Variants in MTMR8 observed in about 807,000 individuals in gnomAD.
The protein encoded by MTMR8 is phosphatidylinositol-3,5-bisphosphate 3-phosphatase MTMR8.
A neutral mutation model predicts 39.3 loss-of-function variants in MTMR8; 65 were observed. That is an observed-to-expected ratio of 1.65 (90% CI 1.35 to 2.03). The LOEUF (loss-of-function observed/expected upper bound fraction) is 2.03, where lower values mean the gene tolerates loss of function less well. Among genes scored for constraint, MTMR8 ranks in the 30% most tolerant of loss-of-function variants. The pLI is 0.00. For synonymous variants in MTMR8, 245 were observed against 185.2 expected (o/e 1.32, Z -2.62); for missense variants, 777 against 538.9 (o/e 1.44, Z -4.37).
chrX:64,297,592 C>A (rs1217291754), intron 12 of MTMR8, among the ~76,000 whole-genome samples: 3 of 90,159 alleles, frequency 3.3e-5, no homozygotes, highest in African/African-American at 1.2e-4. Flanking sequence ...TTAATTAGAT[C>A]CCATTTGTCA....
chrX:64,283,983 T>C (rs1921056461), intron 12 of MTMR8, among the ~76,000 whole-genome samples: 1 of 112,274 alleles, frequency 8.9e-6, no homozygotes, highest in Non-Finnish European at 1.9e-5. Flanking sequence ...AGAAGGACTT[T>C]GACGAGTTGA....
chrX:64,270,220 G>T (rs1032924731), intron 13 of MTMR8, among the ~76,000 whole-genome samples: 1 of 111,715 alleles, frequency 9.0e-6, no homozygotes, highest in African/African-American at 3.2e-5. Context: ...TAAAAAGTTT[G>T]GGATCTGATG....
intron 1 of MTMR8, among the ~76,000 whole-genome samples, chrX:64,387,972 T>G (rs1303399256): frequency 2.7e-5 from 3 of 111,173 alleles, no homozygotes; most frequent in Non-Finnish European, 5.7e-5. Context: ...TCTCCACTCC[T>G]GAGCTGTAGA....
chrX:64,310,826 A>G (rs1020756640), intron 12 of MTMR8, among the ~76,000 whole-genome samples: 4 of 111,664 alleles, frequency 3.6e-5, no homozygotes, highest in Non-Finnish European at 7.5e-5. Context: ...CAAAGGACAT[A>G]AACTCATCCT....
intron 12 of MTMR8, among the ~76,000 whole-genome samples, chrX:64,321,847 C>T (rs372367311): frequency 4.1e-4 from 46 of 111,614 alleles, no homozygotes; most frequent in Admixed American, 3.8e-3. Flanking sequence ...ATACATAATT[C>T]GTTAAGTTTT....
At chrX:64,347,816 T>C (rs1434914753) in intron 6 of MTMR8, among the ~76,000 whole-genome samples, 2 of 112,454 alleles carry the variant, frequency 1.8e-5, no homozygotes, top group African/African-American at 6.5e-5. Context: ...CTACAGCCCA[T>C]ATAGAGCCAC....
intron 6 of MTMR8, among the ~76,000 whole-genome samples, chrX:64,345,521 G>A (rs992971121): frequency 4.5e-5 from 5 of 112,325 alleles, no homozygotes; most frequent in African/African-American, 1.6e-4. Flanking sequence ...TCAGCTGAAA[G>A]GGTTTTATAC....
intron 1 of MTMR8, among the ~76,000 whole-genome samples, chrX:64,394,156 A>G (rs1924764380): frequency 8.9e-6 from 1 of 111,817 alleles, no homozygotes; most frequent in Non-Finnish European, 1.9e-5. Flanking sequence ...TCCCGTTTTT[A>G]AAACCATCAG....
At chrX:64,285,560 C>T (rs1458148865) in intron 12 of MTMR8, among the ~76,000 whole-genome samples, 4 of 111,616 alleles carry the variant, frequency 3.6e-5, no homozygotes, top group African/African-American at 6.5e-5. Context: ...CAAAACTGAC[C>T]ACATAGTTGG....
chrX:64,289,636 C>CAAAAAAAAAAAAAAAAAA (rs749879321), intron 12 of MTMR8, among the ~76,000 whole-genome samples: 47 of 26,392 alleles, frequency 1.8e-3, no homozygotes, highest in African/African-American at 4.5e-3. Context: ...GACTCCATCG[C>CAAAAAAAAAAAAAAAAAA]AAAAAAAAAA....
intron 1 of MTMR8, among the ~76,000 whole-genome samples, chrX:64,374,131 G>C (rs1924199627): frequency 9.0e-6 from 1 of 111,346 alleles, no homozygotes; most frequent in Non-Finnish European, 1.9e-5. Context: ...AAACTCCCAG[G>C]AGTTTATAAT....
chrX:64,367,460 C>G (rs1924003121), intron 1 of MTMR8, among the ~76,000 whole-genome samples: 1 of 111,958 alleles, frequency 8.9e-6, no homozygotes, highest in African/African-American at 3.2e-5. Context: ...TCAACATATG[C>G]AAATCAATAA....
intron 6 of MTMR8, among the ~76,000 whole-genome samples, chrX:64,346,134 C>T (rs1352321720): frequency 9.0e-6 from 1 of 111,277 alleles, no homozygotes; most frequent in East Asian, 2.8e-4. Flanking sequence ...AACCAGAAGG[C>T]AGCCAAGATA....
intron 2 of MTMR8, among the ~76,000 whole-genome samples, chrX:64,357,803 A>G (rs1923664892): frequency 9.0e-6 from 1 of 111,712 alleles, no homozygotes; most frequent in Non-Finnish European, 1.9e-5. Context: ...AATATATTCA[A>G]CCTCAAGAAA....
intron 8 of MTMR8, among the ~76,000 whole-genome samples, chrX:64,340,129 T>C (rs963608805): frequency 8.1e-5 from 9 of 111,133 alleles, no homozygotes; most frequent in African/African-American, 2.6e-4. Context: ...AGTGGAAGGA[T>C]AAGAGACAAG....
chrX:64,311,884 C>T (rs747665987), intron 12 of MTMR8, among the ~76,000 whole-genome samples: 5 of 108,884 alleles, frequency 4.6e-5, no homozygotes, highest in Non-Finnish European at 7.6e-5. Context: ...GGTACCAGCA[C>T]GATGCTGTTT....
intron 2 of MTMR8, among the ~76,000 whole-genome samples, chrX:64,357,787 T>C (rs1224731822): frequency 8.9e-6 from 1 of 111,801 alleles, no homozygotes; most frequent in Non-Finnish European, 1.9e-5. Flanking sequence ...AAATGTAATA[T>C]GAATTAATAT....
Position 64,287,390 on chromosome X carries a change from T to C in MTMR8, c.1482-16317A>G, listed in dbSNP as rs1401901655. On this transcript the variant is annotated intron_variant, in intron 12 of 13. Coordinates refer to ENST00000374852, the MANE Select transcript of MTMR8 (RefSeq NM_017677.4). ...ATATCATGAAAATGGCCATACTGCC[T>C]AAGGTAATTTATAGATTCAATGCCA... 2.8e-3 allele frequency among the ~76,000 whole-genome samples: 316 copies of C among 111,334 alleles called. 1 individual carries two copies. The highest frequency in any genetic ancestry group is 9.8e-3 in the African/African-American group (299 of 30,638).
At chrX:64,292,927 T>C in intron 12 of MTMR8, among the ~76,000 whole-genome samples, 1 of 111,527 alleles carries the variant, frequency 9.0e-6, no homozygotes, top group East Asian at 2.8e-4. Flanking sequence ...TCAGTCCACA[T>C]ATACCTTGTT....
Sources: gnomAD v4.1 joint callset for allele counts (sites outside exome capture counted in the v4.1 genomes callset) on GRCh38, gnomAD v4.1.1 for gene constraint, MANE v1.5 for transcripts, NCBI Gene and HGNC (gene_info 2026-07-23, HGNC 2026-07-21) for gene names.